PTPRG: variants seen among roughly 807,000 people sequenced by gnomAD.
The protein encoded by PTPRG is receptor-type tyrosine-protein phosphatase gamma.
PTPRG carries 102 observed loss-of-function variants against 165.3 expected under a neutral mutation model. The ratio of observed to expected loss-of-function variants is 0.62; its 90% CI spans 0.53 to 0.73. PTPRG has a LOEUF of 0.73. Among genes scored for constraint, PTPRG ranks in the 30% least tolerant of loss-of-function variants. The pLI is 0.00. For synonymous variants in PTPRG, 675 were observed against 669.5 expected (o/e 1.01, Z -0.13); for missense variants, 1,866 against 1,861.4 (o/e 1.00, Z -0.05).
intron 1 of PTPRG, among the ~76,000 whole-genome samples, chr3:61,656,702 C>T (rs534636874): frequency 8.8e-4 from 134 of 152,312 alleles, no homozygotes; most frequent in Non-Finnish European, 1.5e-3. Flanking sequence ...AGATAGGTTG[C>T]CTGGGTCATG....
At chr3:61,937,423 A>C (rs2107598440) in intron 2 of PTPRG, among the ~76,000 whole-genome samples, 1 of 152,286 alleles carries the variant, frequency 6.6e-6, no homozygotes, top group South Asian at 2.1e-4. Context: ...TTCTCTTGTA[A>C]ACCAAACCCA....
intron 1 of PTPRG, among the ~76,000 whole-genome samples, chr3:61,731,717 C>A (rs1429359426): frequency 5.3e-5 from 8 of 152,032 alleles, no homozygotes; most frequent in African/African-American, 1.9e-4. Flanking sequence ...ATGGAAATTT[C>A]TTTTTCCCAT....
chr3:61,871,606 A>C (rs1012485408), intron 2 of PTPRG, among the ~76,000 whole-genome samples: 1 of 152,204 alleles, frequency 6.6e-6, no homozygotes, highest in African/African-American at 2.4e-5. Flanking sequence ...TGGTTGATGT[A>C]GTATGACAAA....
Position 62,191,559 on chromosome 3 carries a change from AC to A in PTPRG, c.1127del (p.Pro376HisfsTer4). 6.2e-7 allele frequency: 1 copy of A among 1,614,018 alleles called. No individual in the cohort carries two copies. The highest frequency in any genetic ancestry group is 8.5e-7 in the Non-Finnish European group (1 of 1,179,950). ...VSWSQPETIY[H>X]PPIMNYMISY... ...TGGAGCCAGCCGGAGACTATCTACC[AC>A]CCACCCATCATGAACTACATGATCT... On this transcript the variant is annotated frameshift_variant, in exon 9 of 30. Coordinates refer to ENST00000474889, the MANE Select transcript of PTPRG (RefSeq NM_002841.4). LOFTEE classifies it high-confidence loss of function.
chr3:62,236,251 A>G (rs538988895), intron 14 of PTPRG, among the ~76,000 whole-genome samples: 3 of 152,220 alleles, frequency 2.0e-5, no homozygotes, highest in Non-Finnish European at 2.9e-5. Flanking sequence ...GAAAAGCCCA[A>G]CAACGCCTAC....
chr3:62,267,875 G>A (rs2148867514), intron 19 of PTPRG, 56 bp downstream of exon 19: 2 of 1,578,376 alleles, frequency 1.3e-6, no homozygotes, highest in South Asian at 1.2e-5. Flanking sequence ...AAAGATACTT[G>A]TGGAGTACCT....
At chr3:61,847,313 C>T (rs557582641) in intron 2 of PTPRG, among the ~76,000 whole-genome samples, 1 of 152,260 alleles carries the variant, frequency 6.6e-6, no homozygotes, top group Admixed American at 6.5e-5. Flanking sequence ...AGGAACCCCC[C>T]GAAGATTGCC....
chr3:62,024,173 T>C (rs2041758398), intron 4 of PTPRG, among the ~76,000 whole-genome samples: 1 of 152,166 alleles, frequency 6.6e-6, no homozygotes. Flanking sequence ...CATTATGGAA[T>C]GTCTAAATCA....
chr3:62,169,100 G>C (rs1705113695), intron 8 of PTPRG, among the ~76,000 whole-genome samples: 1 of 152,184 alleles, frequency 6.6e-6, no homozygotes, highest in East Asian at 1.9e-4. Context: ...CTGGGGTCTG[G>C]GGTTTATATG....
At chr3:61,651,640 A>G (rs571663660) in intron 1 of PTPRG, among the ~76,000 whole-genome samples, 130 of 152,332 alleles carry the variant, frequency 8.5e-4, no homozygotes, top group African/African-American at 3.1e-3. Flanking sequence ...TTTGTAGGCC[A>G]CCAGTGAATA....
intron 1 of PTPRG, among the ~76,000 whole-genome samples, chr3:61,603,335 A>G (rs1426708787): frequency 6.6e-6 from 1 of 152,186 alleles, no homozygotes; most frequent in Non-Finnish European, 1.5e-5. Context: ...TGTCTATGCC[A>G]TAGTGAGTTC....
chr3:62,025,817 C>G (rs1031443968), intron 4 of PTPRG, among the ~76,000 whole-genome samples: 6 of 152,118 alleles, frequency 3.9e-5, no homozygotes, highest in Non-Finnish European at 8.8e-5. Context: ...CTAATTTTTA[C>G]TAGAGTTAGA....
chr3:62,135,750 T>C (rs1421287156), intron 6 of PTPRG, among the ~76,000 whole-genome samples: 1 of 151,952 alleles, frequency 6.6e-6, no homozygotes, highest in Non-Finnish European at 1.5e-5. Context: ...GGGAGAGCGT[T>C]TGGGCCACGC....
chr3:62,176,264 G>C (rs939576626), intron 8 of PTPRG, among the ~76,000 whole-genome samples: 1 of 152,076 alleles, frequency 6.6e-6, no homozygotes. Context: ...TGGAGGGGTG[G>C]GTAGGGTGAG....
chr3:61,693,315 G>A (rs1002465873), intron 1 of PTPRG, among the ~76,000 whole-genome samples: 1 of 152,176 alleles, frequency 6.6e-6, no homozygotes, highest in Non-Finnish European at 1.5e-5. Flanking sequence ...TTATGTAAGA[G>A]AAAATTCAGA....
At position 62,267,721 on chromosome 3, in the gene PTPRG, G is replaced by C; in HGVS notation, c.2776G>C (p.Gly926Arg). ...NKAKAYIATQ[G>R]PLKSTFEDFW... Reference sequence around the variant, plus strand: ...AGCAAAAGCCTACATTGCCACCCAAGGACCTTTGAAGTCTACATTTGAAGA... The same window carrying C: ...AGCAAAAGCCTACATTGCCACCCAACGACCTTTGAAGTCTACATTTGAAGA... Residue 926 changes from glycine to arginine, a missense_variant, in exon 19 of 30, where the codon GGA (glycine) becomes CGA (arginine). Gly to Arg is a moderately radical substitution (Grantham distance 125). This residue lies in a region of PTPRG where 1,452 missense variants were observed against 1,463.0 expected (regional missense o/e 0.99). Coordinates refer to ENST00000474889, the MANE Select transcript of PTPRG (RefSeq NM_002841.4). 6.2e-7 allele frequency: 1 copy of C among 1,613,402 alleles called. No homozygotes were observed. The highest frequency in any genetic ancestry group is 8.5e-7 in the Non-Finnish European group (1 of 1,179,522).
In PTPRG at chr3:62,160,864, A is replaced by ATTTTTTTTTTTT. The variant is rs5849464; in HGVS notation, c.840+3653_840+3664dup. 3.6e-4 allele frequency among the ~76,000 whole-genome samples: 37 copies of ATTTTTTTTTTTT among 103,984 alleles called. 5 individuals are homozygous for ATTTTTTTTTTTT. Among genetic ancestry groups the ATTTTTTTTTTTT allele is most frequent in the African/African-American group, 1.4e-3 (36 of 26,498 alleles). 68.2% of individuals were successfully genotyped at this position (103,984 alleles called of 152,430 possible). ...TACTTTGTTTACCTTTAGATGTGTG[A>ATTTTTTTTTTTT]TTTTTTTTTTTTTTTTTTTTTTTTC... On this transcript the variant is annotated intron_variant, in intron 7 of 29. Transcript: ENST00000474889.
At chr3:62,012,361 C>A (rs779478653) in intron 4 of PTPRG, among the ~76,000 whole-genome samples, 1 of 152,066 alleles carries the variant, frequency 6.6e-6, no homozygotes, top group African/African-American at 2.4e-5. Context: ...TTTTCAGAAC[C>A]GCTGATGCAG....
rs530417876 is a variant in PTPRG at position 61,963,466 on chromosome 3, T to G, written c.191-26159T>G. 1.5e-3 allele frequency among the ~76,000 whole-genome samples: 232 copies of G among 152,332 alleles called. 1 individual carries two copies. The highest frequency in any genetic ancestry group is 5.5e-3 in the African/African-American group (227 of 41,586). Reference sequence around the variant, plus strand: ...TTGAATTAATACGCATTTAGTGAATTCAGTGTAATTTTATGCTTTTATACT... The same window carrying G: ...TTGAATTAATACGCATTTAGTGAATGCAGTGTAATTTTATGCTTTTATACT... On this transcript the variant is annotated intron_variant, in intron 2 of 29. Coordinates refer to ENST00000474889, the MANE Select transcript of PTPRG (RefSeq NM_002841.4).
Sources: allele counts gnomAD v4.1 joint callset (sites outside exome capture counted in the v4.1 genomes callset), GRCh38; gene constraint gnomAD v4.1.1; regional missense constraint gnomAD v4.1.1; transcripts MANE v1.5; gene names NCBI Gene and HGNC (gene_info 2026-07-23, HGNC 2026-07-21).